BNC2: variants seen among roughly 807,000 people sequenced by gnomAD.
BNC2 encodes the protein zinc finger protein basonuclin-2.
BNC2 carries 20 observed loss-of-function variants against 76.3 expected under a neutral mutation model. That is an observed-to-expected ratio of 0.26 (90% CI 0.18 to 0.38). The LOEUF is 0.38. BNC2 is among the 10% of genes least tolerant of loss of function. The pLI, the probability that BNC2 is intolerant of heterozygous loss-of-function variation, is 1.00. For synonymous variants in BNC2, 582 were observed against 514.8 expected (o/e 1.13, Z -1.77); for missense variants, 1,382 against 1,399.8 (o/e 0.99, Z 0.20).
chr9:16,422,925 A>G (rs765861822), intron 6 of BNC2, among the ~76,000 whole-genome samples: 4 of 152,226 alleles, frequency 2.6e-5, no homozygotes, highest in Non-Finnish European at 5.9e-5. Context: ...CAATTTGAGG[A>G]CTATTACAAG....
chr9:16,862,657 T>G (rs1819439601), intron 1 of BNC2, among the ~76,000 whole-genome samples: 1 of 152,194 alleles, frequency 6.6e-6, no homozygotes, highest in African/African-American at 2.4e-5. Flanking sequence ...TGTATTCCTC[T>G]CTCTTTAATT....
chr9:16,614,587 G>T, intron 3 of BNC2, among the ~76,000 whole-genome samples: 1 of 151,912 alleles, frequency 6.6e-6, no homozygotes, highest in East Asian at 1.9e-4. Context: ...CTATTTAAAA[G>T]AAAGGTTTCT....
At chr9:16,459,981 C>T (rs868724930) in intron 5 of BNC2, among the ~76,000 whole-genome samples, 4 of 152,082 alleles carry the variant, frequency 2.6e-5, no homozygotes, top group Admixed American at 2.0e-4. Flanking sequence ...GGAAAGCGCA[C>T]GTGCAAGTGA....
chr9:16,613,106 G>GA (rs1304159924), intron 3 of BNC2, among the ~76,000 whole-genome samples: 2 of 152,126 alleles, frequency 1.3e-5, no homozygotes, highest in Non-Finnish European at 2.9e-5. Flanking sequence ...AAGGTAGTCT[G>GA]AAAAATCAAC....
At chr9:16,557,869 GTTT>G (rs1282366450) in intron 4 of BNC2, among the ~76,000 whole-genome samples, 1 of 148,970 alleles carries the variant, frequency 6.7e-6, no homozygotes, top group African/African-American at 2.5e-5. Context: ...TTGTTTGTTT[GTTT>G]TTTTTTGAGA....
chr9:16,780,096 C>T (rs1314403542), intron 1 of BNC2, among the ~76,000 whole-genome samples: 2 of 150,812 alleles, frequency 1.3e-5, no homozygotes, highest in African/African-American at 2.4e-5. Flanking sequence ...ATTAGCCGGG[C>T]GCGGTGGCGG....
chr9:16,501,727 G>A (rs1822523120), intron 5 of BNC2, among the ~76,000 whole-genome samples: 2 of 152,136 alleles, frequency 1.3e-5, no homozygotes, highest in African/African-American at 4.8e-5. Flanking sequence ...TGATGGAAAC[G>A]CTGATCCCAT....
chr9:16,715,333 C>T (rs925407103), intron 3 of BNC2, among the ~76,000 whole-genome samples: 1 of 152,156 alleles, frequency 6.6e-6, no homozygotes, highest in Admixed American at 6.5e-5. Context: ...AAACTATCAG[C>T]ACCAGAAATA....
chr9:16,589,463 G>C (rs916215131), intron 3 of BNC2, among the ~76,000 whole-genome samples: 4 of 151,222 alleles, frequency 2.6e-5, no homozygotes, highest in African/African-American at 9.7e-5. Flanking sequence ...TGGGATTATA[G>C]GTGTGAGTCA....
intron 5 of BNC2, among the ~76,000 whole-genome samples, chr9:16,449,529 T>G (rs138602328): frequency 1.3e-5 from 2 of 152,102 alleles, no homozygotes; most frequent in African/African-American, 4.8e-5. Context: ...TTCTGCTCTG[T>G]GTATCTGCCA....
chr9:16,827,557 C>T (rs1311076345), intron 1 of BNC2, among the ~76,000 whole-genome samples: 3 of 152,054 alleles, frequency 2.0e-5, no homozygotes, highest in Non-Finnish European at 4.4e-5. Context: ...ATGAGTAATT[C>T]GATCAAAAAG....
chr9:16,512,910 A>C (rs78435784), intron 5 of BNC2, among the ~76,000 whole-genome samples: 16,790 of 151,874 alleles, frequency 0.11, 1,224 homozygotes, highest in East Asian at 0.29. Context: ...CTGAGGGGGG[A>C]AGATCACTTG....
chr9:16,638,612 A>AT (rs1344154737), intron 3 of BNC2, among the ~76,000 whole-genome samples: 4 of 152,126 alleles, frequency 2.6e-5, no homozygotes, highest in African/African-American at 9.7e-5. Flanking sequence ...TAAAACCCTT[A>AT]CATATAGGTT....
intron 1 of BNC2, among the ~76,000 whole-genome samples, chr9:16,764,739 GT>G (rs77160699): frequency 2.0e-5 from 3 of 149,480 alleles, no homozygotes; most frequent in Non-Finnish European, 3.0e-5. Flanking sequence ...TTATTTGTCT[GT>G]TTTTTTTTTA....
rs375470218 is a variant in BNC2, at chr9:16,706,529, C to G, written c.330+21268G>C. The stretch of plus-strand genomic sequence containing the variant: ...CATCTTACTTCATCTAAGAGAATAC[C>G]CTAAAATACAAAATGATGATCTCAA... On this transcript the variant is annotated intron_variant, in intron 3 of 6. Transcript: ENST00000380672. Among the ~76,000 whole-genome samples, 6 of 152,190 alleles carry G rather than the reference C, an allele frequency of 3.9e-5. No individual in the cohort carries two copies. In the East Asian group the frequency reaches 1.2e-3, roughly 29 times the overall value.
intron 1 of BNC2, among the ~76,000 whole-genome samples, chr9:16,860,251 A>C (rs1244993974): frequency 1.3e-5 from 2 of 152,240 alleles, no homozygotes; most frequent in African/African-American, 4.8e-5. Context: ...GAACAGAACG[A>C]AGTTGTAGGA....
chr9:16,612,971 G>A (rs1820591823), intron 3 of BNC2, among the ~76,000 whole-genome samples: 1 of 152,126 alleles, frequency 6.6e-6, no homozygotes. Flanking sequence ...AGCCAAGATG[G>A]GGAAAGAAGA....
chr9:16,855,430 C>A (rs1482493448), intron 1 of BNC2, among the ~76,000 whole-genome samples: 2 of 152,100 alleles, frequency 1.3e-5, no homozygotes, highest in Non-Finnish European at 2.9e-5. Context: ...TTGTTGTATT[C>A]TAAAATAAAA....
chr9:16,411,448 G>A lies in BNC2; in HGVS notation c.*7541C>T, dbSNP rs945000147. The A allele has an allele frequency of 1.3e-5, 2 of 152,172 alleles. No individual in the cohort carries two copies. Among genetic ancestry groups the A allele is most frequent in the Admixed American group, 6.6e-5 (1 of 15,234 alleles). 9.4% of individuals were successfully genotyped at this position (152,172 alleles called of 1,614,324 possible). The stretch of plus-strand genomic sequence containing the variant: ...AAGCATTAAAAAAACTATTACAAAC[G>A]TCCTTAAGCATCCCTGGTATTTTAG... On this transcript the variant is annotated 3_prime_UTR_variant, in exon 7 of 7. Coordinates refer to ENST00000380672, the MANE Select transcript of BNC2 (RefSeq NM_017637.6).
Sources: allele counts gnomAD v4.1 joint callset (sites outside exome capture counted in the v4.1 genomes callset), GRCh38; gene constraint gnomAD v4.1.1; transcripts MANE v1.5; gene names NCBI Gene and HGNC (gene_info 2026-07-23, HGNC 2026-07-21).